PHKB: variants seen among roughly 807,000 people sequenced by gnomAD.
PHKB encodes phosphorylase b kinase regulatory subunit beta.
PHKB carries 122 observed loss-of-function variants against 152.1 expected under a neutral mutation model. That is an observed-to-expected ratio of 0.80 (90% CI 0.69 to 0.93). PHKB has a LOEUF of 0.93. PHKB is among the 40% of genes least tolerant of loss of function. The pLI is 0.00. For synonymous variants in PHKB, 436 were observed against 464.9 expected (o/e 0.94, Z 0.80); for missense variants, 1,304 against 1,328.4 (o/e 0.98, Z 0.29).
chr16:47,674,462 A>G (rs561878818), intron 26 of PHKB, among the ~76,000 whole-genome samples: 1 of 152,310 alleles, frequency 6.6e-6, no homozygotes, highest in African/African-American at 2.4e-5. Context: ...AGAGAAGTCT[A>G]GAGCAGACTT....
chr16:47,490,463 A>G (rs765422551), intron 1 of PHKB, among the ~76,000 whole-genome samples: 3 of 152,214 alleles, frequency 2.0e-5, no homozygotes, highest in Non-Finnish European at 4.4e-5. Flanking sequence ...AAATATTAGT[A>G]TTCACCAAAA....
chr16:47,634,110 T>A (rs1050916130), intron 14 of PHKB, among the ~76,000 whole-genome samples: 1 of 152,356 alleles, frequency 6.6e-6, no homozygotes. Context: ...TGCTTATATA[T>A]TATGTATTAT....
intron 7 of PHKB, among the ~76,000 whole-genome samples, chr16:47,568,354 T>A (rs1484383405): frequency 1.1e-4 from 16 of 152,232 alleles, no homozygotes; most frequent in Admixed American, 1.0e-3. Context: ...TGATCTTTTG[T>A]ATTTCTGCAG....
chr16:47,540,421 C>T (rs1273328043), intron 6 of PHKB, among the ~76,000 whole-genome samples: 1 of 151,912 alleles, frequency 6.6e-6, no homozygotes, highest in Non-Finnish European at 1.5e-5. Context: ...GATCTTTGTT[C>T]TCCTTTTTGC....
chr16:47,682,320 T>C (rs1432513937), intron 26 of PHKB, among the ~76,000 whole-genome samples: 1 of 152,214 alleles, frequency 6.6e-6, no homozygotes, highest in Non-Finnish European at 1.5e-5. Context: ...GTTGCTAGAT[T>C]GGGGAAGTAT....
intron 1 of PHKB, chr16:47,462,958 G>C (rs1231812044): frequency 1.3e-5 from 2 of 152,440 alleles, no homozygotes; most frequent in African/African-American, 4.8e-5. Context: ...ACATGTATTT[G>C]TTTCACACTT....
intron 20 of PHKB, 138 bp downstream of exon 20, chr16:47,651,059 A>G (rs1322732851): frequency 2.8e-6 from 2 of 715,282 alleles, no homozygotes; most frequent in Non-Finnish European, 5.0e-6. Context: ...TCCTATTGTC[A>G]CTTTTCCAGT....
intron 7 of PHKB, among the ~76,000 whole-genome samples, chr16:47,550,234 A>T (rs1971248209): frequency 6.6e-6 from 1 of 152,184 alleles, no homozygotes; most frequent in African/African-American, 2.4e-5. Context: ...GTGGGCGGCC[A>T]GTATCCTTCT....
At chr16:47,558,295 A>G (rs1001271565) in intron 7 of PHKB, among the ~76,000 whole-genome samples, 8 of 151,644 alleles carry the variant, frequency 5.3e-5, no homozygotes, top group Non-Finnish European at 1.0e-4. Context: ...TGACGAGTTA[A>G]TGGGTGCAGC....
intron 7 of PHKB, chr16:47,561,774 T>C (rs548540276): frequency 1.3e-5 from 2 of 152,342 alleles, no homozygotes; most frequent in Middle Eastern, 3.4e-3. Flanking sequence ...GATGAAAATA[T>C]ACTTCCTTGG....
At chr16:47,514,620 A>G (rs879665221) in intron 5 of PHKB, among the ~76,000 whole-genome samples, 3 of 152,214 alleles carry the variant, frequency 2.0e-5, no homozygotes, top group Admixed American at 6.5e-5. Context: ...CTCACGTGCC[A>G]GCTTCCTCCA....
At chr16:47,661,277 C>T (rs1224315234) in intron 22 of PHKB, among the ~76,000 whole-genome samples, 1 of 152,024 alleles carries the variant, frequency 6.6e-6, no homozygotes, top group Non-Finnish European at 1.5e-5. Context: ...TAAACAAGTC[C>T]CCTCCTATCA....
intron 24 of PHKB, 120 bp downstream of exon 24, chr16:47,663,854 A>C (rs1386864826): frequency 1.4e-6 from 1 of 723,714 alleles, no homozygotes. Flanking sequence ...TTAACCTCCA[A>C]GGTTACAGCA....
chr16:47,467,706 G>A (rs1344322389), intron 1 of PHKB, among the ~76,000 whole-genome samples: 1 of 152,170 alleles, frequency 6.6e-6, no homozygotes, highest in Admixed American at 6.5e-5. Flanking sequence ...ATTATGCTCA[G>A]CAAAAATGAT....
intron 7 of PHKB, among the ~76,000 whole-genome samples, chr16:47,560,779 A>T (rs889658728): frequency 6.6e-6 from 1 of 152,212 alleles, no homozygotes; most frequent in Non-Finnish European, 1.5e-5. Flanking sequence ...TCAAAGACCT[A>T]TACCTATATG....
intron 22 of PHKB, among the ~76,000 whole-genome samples, chr16:47,661,168 G>A (rs1973437448): frequency 6.6e-6 from 1 of 152,032 alleles, no homozygotes; most frequent in South Asian, 2.1e-4. Context: ...CTGCCCCAGT[G>A]TTTAGGTCTA....
intron 6 of PHKB, among the ~76,000 whole-genome samples, chr16:47,537,248 T>C (rs1336924124): frequency 6.6e-6 from 1 of 152,248 alleles, no homozygotes; most frequent in Non-Finnish European, 1.5e-5. Context: ...TAGTGACTCA[T>C]GAATCAGTGG....
At chr16:47,482,183 T>C (rs1194311725) in intron 1 of PHKB, among the ~76,000 whole-genome samples, 2 of 152,218 alleles carry the variant, frequency 1.3e-5, no homozygotes, top group Non-Finnish European at 2.9e-5. Flanking sequence ...CAGGACAGCA[T>C]TGGAGCAAAT....
chr16:47,666,249 T>C (rs958455244), intron 25 of PHKB, among the ~76,000 whole-genome samples: 1 of 152,208 alleles, frequency 6.6e-6, no homozygotes, highest in Non-Finnish European at 1.5e-5. Flanking sequence ...ACCTTAAAGC[T>C]ATAATCTTCA....
Sources: gnomAD v4.1 joint callset for allele counts (sites outside exome capture counted in the v4.1 genomes callset) on GRCh38, gnomAD v4.1.1 for gene constraint, MANE v1.5 for transcripts, NCBI Gene and HGNC (gene_info 2026-07-23, HGNC 2026-07-21) for gene names.